Variants in MLLT3 observed in about 807,000 individuals in gnomAD.
MLLT3 encodes MLLT3 super elongation complex subunit, also known as protein AF-9.
In MLLT3, 4 loss-of-function variants were observed where a neutral mutation model predicts 53.2. The observed-to-expected ratio is 0.08, with a 90% confidence interval of 0.04 to 0.17. The LOEUF is 0.17. Among genes scored for constraint, MLLT3 ranks in the 10% least tolerant of loss-of-function variants. The pLI, the probability that MLLT3 is intolerant of heterozygous loss-of-function variation, is 1.00. For missense variants in MLLT3, 569 were observed against 684.0 expected (o/e 0.83, Z 1.87); for synonymous variants, 283 against 230.6 (o/e 1.23, Z -2.06).
At chr9:20,542,891 C>A (rs1336398229) in intron 2 of MLLT3, among the ~76,000 whole-genome samples, 1 of 152,230 alleles carries the variant, frequency 6.6e-6, no homozygotes, top group Non-Finnish European at 1.5e-5. Flanking sequence ...TTAGCTAGAG[C>A]TTCTGGATAA....
intron 2 of MLLT3, among the ~76,000 whole-genome samples, chr9:20,514,678 A>G (rs1817858697): frequency 6.6e-6 from 1 of 152,072 alleles, no homozygotes; most frequent in African/African-American, 2.4e-5. Context: ...TCACAAATGT[A>G]TAAAGATATG....
chr9:20,362,727 TTGAA>T (rs1821356598), intron 7 of MLLT3: 1 of 150,510 alleles, frequency 6.6e-6, no homozygotes, highest in Non-Finnish European at 1.5e-5. Flanking sequence ...TTTTTTTTTT[TTGAA>T]TCTTAGGGTC....
At chr9:20,554,215 C>T (rs899440810) in intron 2 of MLLT3, among the ~76,000 whole-genome samples, 16 of 152,086 alleles carry the variant, frequency 1.1e-4, no homozygotes, top group African/African-American at 2.7e-4. Flanking sequence ...CACTTCCTTA[C>T]CCAAAAACTT....
chr9:20,375,104 G>T (rs1392931520), intron 5 of MLLT3, among the ~76,000 whole-genome samples: 1 of 152,210 alleles, frequency 6.6e-6, no homozygotes, highest in Non-Finnish European at 1.5e-5. Context: ...AAAACTGCGA[G>T]AAATAAATTG....
intron 4 of MLLT3, among the ~76,000 whole-genome samples, chr9:20,437,011 A>C (rs1823423260): frequency 6.6e-6 from 1 of 152,190 alleles, no homozygotes; most frequent in Non-Finnish European, 1.5e-5. Context: ...GATAGAGATT[A>C]GTAATGTGCC....
At chr9:20,387,218 T>C (rs78698841) in intron 5 of MLLT3, among the ~76,000 whole-genome samples, 1 of 152,200 alleles carries the variant, frequency 6.6e-6, no homozygotes, top group Non-Finnish European at 1.5e-5. Context: ...ATGAAAGCAG[T>C]CGCAGACAGT....
intron 8 of MLLT3, among the ~76,000 whole-genome samples, chr9:20,355,095 T>TAAAAA (rs531598773): frequency 0.011 from 719 of 63,464 alleles, 6 homozygotes; most frequent in African/African-American, 0.029. Flanking sequence ...AAAGTAGAAC[T>TAAAAA]AAAAAAAAAA....
intron 2 of MLLT3, among the ~76,000 whole-genome samples, chr9:20,603,800 G>A (rs971310011): frequency 6.6e-6 from 1 of 151,992 alleles, no homozygotes; most frequent in African/African-American, 2.4e-5. Context: ...AGTACTTATA[G>A]ACCAGTTATT....
At chr9:20,478,488 C>A (rs1824581436) in intron 2 of MLLT3, among the ~76,000 whole-genome samples, 1 of 152,104 alleles carries the variant, frequency 6.6e-6, no homozygotes, top group African/African-American at 2.4e-5. Flanking sequence ...GGCTGGTGAA[C>A]TGCAGAGTGA....
chr9:20,590,155 T>C (rs1405650566), intron 2 of MLLT3, among the ~76,000 whole-genome samples: 3 of 152,150 alleles, frequency 2.0e-5, no homozygotes, highest in Non-Finnish European at 2.9e-5. Flanking sequence ...TCTAACTTAG[T>C]AGGCTTCCAG....
At chr9:20,510,721 G>A (rs575658214) in intron 2 of MLLT3, among the ~76,000 whole-genome samples, 1 of 152,106 alleles carries the variant, frequency 6.6e-6, no homozygotes, top group Non-Finnish European at 1.5e-5. Context: ...TTACTTGGGA[G>A]AGGGGTTTGA....
chr9:20,620,964 T>A lies in MLLT3; in HGVS notation c.13-130A>T, dbSNP rs1306132124. On this transcript the variant is annotated intron_variant, in intron 1 of 10. Transcript: ENST00000380338. This position sits in a 1 kb window ranked among gnomAD's most constrained non-coding sequence, Gnocchi z 6.1. ...AAAGGAAACGGCGGTGCCCTCTGCA[T>A]CCACGTTTCACGCGCGTGGGCGCGC... 1.8e-6 allele frequency: 2 copies of A among 1,099,974 alleles called. No individual in the cohort carries two copies. The highest frequency in any genetic ancestry group is 2.7e-6 in the Non-Finnish European group (2 of 746,600). 68.1% of individuals were successfully genotyped at this position (1,099,974 alleles called of 1,614,324 possible).
At chr9:20,470,468 A>G (rs755595144) in intron 2 of MLLT3, among the ~76,000 whole-genome samples, 5 of 152,042 alleles carry the variant, frequency 3.3e-5, no homozygotes, top group Non-Finnish European at 5.9e-5. Flanking sequence ...TTTTTGGACA[A>G]TGATGCTGAT....
At chr9:20,357,211 G>C (rs189741803) in intron 8 of MLLT3, among the ~76,000 whole-genome samples, 6 of 152,096 alleles carry the variant, frequency 3.9e-5, no homozygotes, top group African/African-American at 1.2e-4. Flanking sequence ...ATATTAACCC[G>C]GGTCCAATGG....
chr9:20,348,056 C>T (rs1318583722), intron 10 of MLLT3, among the ~76,000 whole-genome samples: 2 of 152,136 alleles, frequency 1.3e-5, no homozygotes, highest in South Asian at 4.1e-4. Context: ...GACATATTAA[C>T]TCTCAATCCA....
At chr9:20,569,610 A>G (rs1228147442) in intron 2 of MLLT3, among the ~76,000 whole-genome samples, 1 of 152,180 alleles carries the variant, frequency 6.6e-6, no homozygotes, top group East Asian at 1.9e-4. Context: ...GCCAATGACG[A>G]CAACCTATAA....
At position 20,506,660 on chromosome 9, in the gene MLLT3, A is replaced by G. The variant is rs545872637; in HGVS notation, c.194-49874T>C. Among the ~76,000 whole-genome samples the G allele has an allele frequency of 2.0e-5, 3 of 152,338 alleles. No homozygotes were observed. The South Asian group carries it at 6.2e-4, about 32-fold the overall frequency. ...AAAACAGACCTTGGCACACATAAAT[A>G]GGTTATTTTTCCATATCACTTTTCA... On this transcript the variant is annotated intron_variant, in intron 2 of 10. Coordinates refer to ENST00000380338, the MANE Select transcript of MLLT3 (RefSeq NM_004529.4).
At chr9:20,372,793 A>G (rs1313819432) in intron 5 of MLLT3, among the ~76,000 whole-genome samples, 5 of 152,010 alleles carry the variant, frequency 3.3e-5, no homozygotes, top group African/African-American at 1.2e-4. Flanking sequence ...TCTGGGCGAG[A>G]ACTTCTACCA....
At chr9:20,501,044 C>A (rs779070303) in intron 2 of MLLT3, among the ~76,000 whole-genome samples, 17 of 152,116 alleles carry the variant, frequency 1.1e-4, no homozygotes, top group Admixed American at 3.9e-4. Context: ...ACATGTGCAC[C>A]ACTTTCCTTA....
Sources: gnomAD v4.1 joint callset for allele counts (sites outside exome capture counted in the v4.1 genomes callset) on GRCh38, gnomAD v4.1.1 for gene constraint, Gnocchi (gnomAD v3.1) non-coding constraint, MANE v1.5 for transcripts, NCBI Gene and HGNC (gene_info 2026-07-23, HGNC 2026-07-21) for gene names.